The following CACNA1B variants were observed in gnomAD, a reference collection of about 807,000 sequenced individuals.
CACNA1B encodes voltage-dependent N-type calcium channel subunit alpha-1B.
In CACNA1B, 70 loss-of-function variants were observed where a neutral mutation model predicts 247.2. The ratio of observed to expected loss-of-function variants is 0.28; its 90% CI spans 0.23 to 0.35. The LOEUF (loss-of-function observed/expected upper bound fraction) is 0.35. Ranked by LOEUF, CACNA1B falls within the 10% of genes least tolerant of loss-of-function variation. The pLI, the probability that CACNA1B is intolerant of heterozygous loss-of-function variation, is 1.00. For missense variants in CACNA1B, 2,367 were observed against 3,197.4 expected, an observed-to-expected ratio of 0.74 and a Z score of 6.26; for synonymous variants, 1,231 against 1,294.4, an observed-to-expected ratio of 0.95 and a Z score of 1.05.
intron 6 of CACNA1B, among the ~76,000 whole-genome samples, chr9:137,923,823 T>A (rs2133294344): frequency 6.6e-6 from 1 of 152,338 alleles, no homozygotes; most frequent in Non-Finnish European, 1.5e-5. Context: ...GACACTTTTT[T>A]ATTTTAGCCA....
rs1835379275 is a variant in CACNA1B, at chr9:137,888,689, G to A, written c.530+5806G>A. On this transcript the variant is annotated intron_variant, in intron 3 of 46. Coordinates refer to ENST00000371372, the MANE Select transcript of CACNA1B (RefSeq NM_000718.4). The surrounding 1 kb of genome is among the most constrained non-coding windows in gnomAD (Gnocchi z 4.7). ...GGTTGAAGAGAGGGTGTGTGGGTGT[G>A]TGGCCGCTGCACCAGGAGGGAGTCT... is the stretch of plus-strand genomic sequence containing the variant. Among the ~76,000 whole-genome samples, 1 of 152,226 alleles carries A rather than the reference G, an allele frequency of 6.6e-6. No homozygotes were observed.
chr9:137,986,287 C>T lies in CACNA1B; in HGVS notation c.1770-126C>T. On this transcript the variant is annotated intron_variant, in intron 13 of 46. Coordinates refer to ENST00000371372, the MANE Select transcript of CACNA1B (RefSeq NM_000718.4). The surrounding 1 kb of genome is among the most constrained non-coding windows in gnomAD (Gnocchi z 6.0). ...CTGAAACTCCAGAGAAAAGCTCTAA[C>T]TTCACACCTAGGTGTGCAGCCCTCA... 9.6e-7 allele frequency: 1 copy of T among 1,041,586 alleles called. No homozygotes were observed. Among genetic ancestry groups the T allele is most frequent in the South Asian group, 1.6e-5 (1 of 63,422 alleles). The allele number at this position is 1,041,586 out of a possible 1,614,324, so 64.5% of individuals were successfully genotyped here. A position where few individuals can be genotyped will look rare whatever the true frequency, so the allele number is the denominator to read the frequency against.
intron 21 of CACNA1B, 40 bp from the exon 22 acceptor site, chr9:138,046,864 G>T (rs199868678): frequency 1.9e-6 from 3 of 1,595,858 alleles, no homozygotes; most frequent in East Asian, 2.2e-5. Flanking sequence ...TGGCGCGCCC[G>T]GCTGGGGGGC....
At position 137,880,682 on chromosome 9, in the gene CACNA1B, C is replaced by A. The variant is rs1956905712; in HGVS notation, c.390+1523C>A. Reference sequence around the variant, plus strand: ...CCTGTTGGGAAAACTGCAGAACATGCCCGCCCTGAGCCAGCCTAGAGGTCT... The same window carrying A: ...CCTGTTGGGAAAACTGCAGAACATGACCGCCCTGAGCCAGCCTAGAGGTCT... On this transcript the variant is annotated intron_variant, in intron 2 of 46. Coordinates refer to ENST00000371372, the MANE Select transcript of CACNA1B (RefSeq NM_000718.4). This position sits in a 1 kb window ranked among gnomAD's most constrained non-coding sequence, Gnocchi z 4.8. 6.6e-6 allele frequency among the ~76,000 whole-genome samples: 1 copy of A among 152,162 alleles called. No homozygotes were observed. The highest frequency in any genetic ancestry group is 2.4e-5 in the African/African-American group (1 of 41,444).
chr9:137,924,994 T>G (rs879688436), intron 6 of CACNA1B, among the ~76,000 whole-genome samples: 11 of 152,218 alleles, frequency 7.2e-5, no homozygotes, highest in African/African-American at 2.7e-4. Flanking sequence ...GGAAGCTTGT[T>G]TATACTGGCA....
In CACNA1B at chr9:137,986,393, C is replaced by T; in HGVS notation, c.1770-20C>T. 1 of 1,612,672 alleles carries T rather than the reference C, an allele frequency of 6.2e-7. No homozygotes were observed. The highest frequency in any genetic ancestry group is 1.1e-5 in the South Asian group (1 of 90,754). On this transcript the variant is annotated intron_variant, in intron 13 of 46. Transcript: ENST00000371372. The surrounding 1 kb of genome is among the most constrained non-coding windows in gnomAD (Gnocchi z 6.0). The stretch of plus-strand genomic sequence containing the variant: ...AGTCAGCGTCTGGAGCTGGCTCAGA[C>T]CCCCTGCCTGGCCCCGCAGGTACTG...
At chr9:137,910,738 C>A (rs533819009) in intron 3 of CACNA1B, among the ~76,000 whole-genome samples, 1 of 152,266 alleles carries the variant, frequency 6.6e-6, no homozygotes, top group African/African-American at 2.4e-5. Context: ...GCCGATCTGA[C>A]AGGAGGCGGA....
At chr9:138,086,751 T>C (rs1358599060) in intron 36 of CACNA1B, among the ~76,000 whole-genome samples, 3 of 151,162 alleles carry the variant, frequency 2.0e-5, no homozygotes, top group Non-Finnish European at 2.9e-5. Flanking sequence ...GAACAGATCA[T>C]CTAGACAGAA....
At position 138,023,096 on chromosome 9, in the gene CACNA1B, G is replaced by A; in HGVS notation, c.2353G>A (p.Glu785Lys). Residue 785 changes from glutamate (E) to lysine (K), a missense_variant, in exon 19 of 47, where the codon GAG (glutamate) becomes AAG (lysine). Glu to Lys is a moderately conservative substitution (Grantham distance 56). This residue lies in a region of CACNA1B where 631 missense variants were observed against 631.1 expected (regional missense o/e 1.00). Coordinates refer to ENST00000371372, the MANE Select transcript of CACNA1B (RefSeq NM_000718.4). ...LRLQNLRASC[E>K]ALYSEMDPEE... ...GCTGCAGAACCTGCGGGCCAGCTGC[G>A]AGGCGCTGTACAGCGAGATGGACCC... 6.5e-7 allele frequency: 1 copy of A among 1,532,242 alleles called. No homozygotes were observed. Among genetic ancestry groups the A allele is most frequent in the East Asian group, 2.5e-5 (1 of 40,094 alleles). The allele number at this position is 1,532,242 out of a possible 1,614,324, so 94.9% of individuals were successfully genotyped here. A position where few individuals can be genotyped will look rare whatever the true frequency, so the allele number is the denominator to read the frequency against.
chr9:137,886,161 G>C (rs1336333896), intron 3 of CACNA1B, among the ~76,000 whole-genome samples: 1 of 152,082 alleles, frequency 6.6e-6, no homozygotes, highest in East Asian at 1.9e-4. Flanking sequence ...CCCTTCCCCG[G>C]CTTCCAATAA....
rs1182847283 is a variant in CACNA1B, at chr9:137,880,335, G to T, written c.390+1176G>T. ...ATGGACAGCCCAGCCACACCATGAGGCAGGCGTGAGTCATGGTCCCTGTGG... is the reference window on the plus strand; with the variant it reads ...ATGGACAGCCCAGCCACACCATGAGTCAGGCGTGAGTCATGGTCCCTGTGG... On this transcript the variant is annotated intron_variant, in intron 2 of 46. Transcript: ENST00000371372. The surrounding 1 kb of genome is among the most constrained non-coding windows in gnomAD (Gnocchi z 4.8). Among the ~76,000 whole-genome samples, 1 of 152,214 alleles carries T rather than the reference G, an allele frequency of 6.6e-6. No individual in the cohort carries two copies. The highest frequency in any genetic ancestry group is 1.5e-5 in the Non-Finnish European group (1 of 68,040).
rs1958834431 is a variant in CACNA1B, at chr9:138,020,700, C to T, written c.2268-2311C>T. On this transcript the variant is annotated intron_variant, in intron 18 of 46. Transcript: ENST00000371372. This position sits in a 1 kb window ranked among gnomAD's most constrained non-coding sequence, Gnocchi z 4.1. Reference sequence around the variant, plus strand: ...GGCAGGTGCCCTAGCGTAGGCTGCTCAGCATGTTGCTCTGCCTGGGTGGTC... The same window carrying T: ...GGCAGGTGCCCTAGCGTAGGCTGCTTAGCATGTTGCTCTGCCTGGGTGGTC... 6.6e-6 allele frequency among the ~76,000 whole-genome samples: 1 copy of T among 152,166 alleles called. No individual in the cohort carries two copies. Among genetic ancestry groups the T allele is most frequent in the South Asian group, 2.1e-4 (1 of 4,832 alleles).
chr9:138,053,748 G>C, intron 25 of CACNA1B, 98 bp from the exon 26 acceptor site: 1 of 892,604 alleles, frequency 1.1e-6, no homozygotes, highest in South Asian at 1.5e-5. Flanking sequence ...CCTCATCGTG[G>C]CTCCACCCCT....
At chr9:137,940,526 C>G (rs1282987884) in intron 6 of CACNA1B, among the ~76,000 whole-genome samples, 1 of 152,134 alleles carries the variant, frequency 6.6e-6, no homozygotes, top group East Asian at 1.9e-4. Flanking sequence ...CGACACTATT[C>G]CATGAGATAG....
At chr9:137,949,121 A>ACTT (rs1564203203) in intron 6 of CACNA1B, among the ~76,000 whole-genome samples, 5 of 824 alleles carry the variant, frequency 6.1e-3, no homozygotes, top group African/African-American at 7.1e-3. Context: ...CTGTGTGTCC[A>ACTT]GTGTGTGTGT....
At chr9:137,909,444 G>A (rs1016161771) in intron 3 of CACNA1B, among the ~76,000 whole-genome samples, 2 of 152,172 alleles carry the variant, frequency 1.3e-5, no homozygotes, top group Non-Finnish European at 2.9e-5. Flanking sequence ...AAGTGGGAGC[G>A]TATGTTATTT....
intron 6 of CACNA1B, among the ~76,000 whole-genome samples, chr9:137,949,457 T>C (rs1317502112): frequency 6.8e-6 from 1 of 147,980 alleles, no homozygotes; most frequent in Non-Finnish European, 1.5e-5. Flanking sequence ...GGTGTGTGCG[T>C]GTGTGTGTGT....
Position 138,120,228 on chromosome 9 carries a change from A to G in CACNA1B, c.6094A>G (p.Thr2032Ala). The G allele has an allele frequency of 6.2e-7, 1 of 1,608,170 alleles. No homozygotes were observed. Among genetic ancestry groups the G allele is most frequent in the Non-Finnish European group, 8.5e-7 (1 of 1,178,064 alleles). Residue 2032 changes from threonine (T) to alanine (A), a missense_variant, in exon 45 of 47, where the codon ACT (threonine) becomes GCT (alanine). This residue lies in a region of CACNA1B where 773 missense variants were observed against 779.4 expected (regional missense o/e 0.99). Coordinates refer to ENST00000371372, the MANE Select transcript of CACNA1B (RefSeq NM_000718.4). ...CACGCTGGCCCAGCGGCCCCGTGGG[A>G]CTCATCTTTGCAGCACCACCCCGGA... ...ISTLAQRPRG[T>A]HLCSTTPDRP...
At chr9:137,921,834 C>A (rs1214686042) in intron 6 of CACNA1B, among the ~76,000 whole-genome samples, 1 of 147,112 alleles carries the variant, frequency 6.8e-6, no homozygotes, top group Non-Finnish European at 1.5e-5. Context: ...GACCGCACAG[C>A]ATCCTGGGAG....
Sources: gnomAD v4.1 joint callset for allele counts (sites outside exome capture counted in the v4.1 genomes callset) on GRCh38, gnomAD v4.1.1 for gene constraint, gnomAD v4.1.1 regional missense constraint, Gnocchi (gnomAD v3.1) non-coding constraint, MANE v1.5 for transcripts, NCBI Gene and HGNC (gene_info 2026-07-23, HGNC 2026-07-21) for gene names.